Variants in PCDHGA2 observed in about 807,000 individuals in gnomAD.
PCDHGA2 encodes the protein protocadherin gamma-A2.
In PCDHGA2, 40 loss-of-function variants were observed where a neutral mutation model predicts 59.2. That is an observed-to-expected ratio of 0.68 (90% CI 0.52 to 0.88). The LOEUF is 0.88. PCDHGA2 is among the 40% of genes least tolerant of loss of function. PCDHGA2 has a pLI of 0.00. For synonymous variants in PCDHGA2, 560 were observed against 526.0 expected, an observed-to-expected ratio of 1.06 and a Z score of -0.89; for missense variants, 1,226 against 1,204.0, an observed-to-expected ratio of 1.02 and a Z score of -0.27.
chr5:141,359,713 T>C (rs953640079), intron 1 of PCDHGA2, among the ~76,000 whole-genome samples: 2 of 152,122 alleles, frequency 1.3e-5, no homozygotes, highest in Non-Finnish European at 2.9e-5. Flanking sequence ...CCTAAGAAAC[T>C]TTAACACTCA....
intron 1 of PCDHGA2, chr5:141,352,204 G>C: frequency 6.2e-7 from 1 of 1,614,036 alleles, no homozygotes; most frequent in Non-Finnish European, 8.5e-7. Flanking sequence ...GAGGACAGCC[G>C]CCACTCTCCG....
chr5:141,361,468 G>C, intron 1 of PCDHGA2: 3 of 1,614,008 alleles, frequency 1.9e-6, no homozygotes, highest in Non-Finnish European at 2.5e-6. Context: ...CATCTCCGAC[G>C]TCAACGATAA....
intron 1 of PCDHGA2, among the ~76,000 whole-genome samples, chr5:141,453,076 G>A (rs2098755408): frequency 1.3e-5 from 2 of 151,984 alleles, no homozygotes; most frequent in Admixed American, 6.6e-5. Flanking sequence ...CCACACTCTG[G>A]TTGATTAGTA....
At chr5:141,366,046 C>T in intron 1 of PCDHGA2, 1 of 1,614,240 alleles carries the variant, frequency 6.2e-7, no homozygotes, top group Non-Finnish European at 8.5e-7. Context: ...CAGACGGTTC[C>T]ACGGGCGTGG....
intron 1 of PCDHGA2, among the ~76,000 whole-genome samples, chr5:141,459,249 A>G (rs901058693): frequency 6.6e-6 from 1 of 152,218 alleles, no homozygotes; most frequent in Non-Finnish European, 1.5e-5. Flanking sequence ...TCCTGTCACT[A>G]TAAATTAGTG....
chr5:141,510,222 G>A (rs891688596), intron 3 of PCDHGA2, among the ~76,000 whole-genome samples: 3 of 151,498 alleles, frequency 2.0e-5, no homozygotes, highest in Admixed American at 6.6e-5. Context: ...GCAGTGAGCC[G>A]GGATCGCGCC....
intron 1 of PCDHGA2, chr5:141,375,897 C>A (rs1456506633): frequency 3.7e-6 from 6 of 1,613,680 alleles, no homozygotes; most frequent in Non-Finnish European, 5.1e-6. Context: ...GCCTGGCTGT[C>A]CTACCGCCTG....
intron 1 of PCDHGA2, chr5:141,395,233 G>T: frequency 6.2e-7 from 1 of 1,602,052 alleles, no homozygotes; most frequent in Non-Finnish European, 8.5e-7. Context: ...GCTGATCATG[G>T]TCAGGTGAGT....
rs2096153349 is a variant in PCDHGA2 at position 141,417,731 on chromosome 5, C to G, written c.2424+76336C>G. 2.2e-6 allele frequency: 3 copies of G among 1,378,810 alleles called. No homozygotes were observed. In the East Asian group the frequency reaches 7.6e-5, roughly 35 times the overall value. 85.4% of individuals were successfully genotyped at this position (1,378,810 alleles called of 1,614,324 possible). A position where few individuals can be genotyped will look rare whatever the true frequency, so the allele number is the denominator to read the frequency against. On this transcript the variant is annotated intron_variant, in intron 1 of 3. Coordinates refer to ENST00000394576, the MANE Select transcript of PCDHGA2 (RefSeq NM_018915.4). ...AGGCTCCCGGCTGCGCAGACCTTGC[C>G]CAGCACACCAGATTGCCAGCTCCGA...
intron 1 of PCDHGA2, among the ~76,000 whole-genome samples, chr5:141,343,513 G>T (rs1049958686): frequency 6.6e-5 from 10 of 152,296 alleles, no homozygotes; most frequent in Middle Eastern, 3.4e-3. Context: ...GGTCCTTACG[G>T]CCAGTTCTTT....
intron 1 of PCDHGA2, chr5:141,419,742 T>C (rs1388509503): frequency 2.5e-5 from 41 of 1,613,742 alleles, no homozygotes; most frequent in Non-Finnish European, 3.5e-5. Context: ...GAGGTGCGCA[T>C]GGTGCGTGCT....
intron 1 of PCDHGA2, among the ~76,000 whole-genome samples, chr5:141,434,285 T>G (rs1358981946): frequency 6.6e-6 from 1 of 152,232 alleles, no homozygotes; most frequent in Non-Finnish European, 1.5e-5. Context: ...GTATTCTCTG[T>G]TTTTCCTGTA....
Position 141,338,984 on chromosome 5 carries a change from C to A in PCDHGA2, c.13C>A (p.Gln5Lys), listed in dbSNP as rs774904169. 15 of 1,538,220 alleles carry A rather than the reference C, an allele frequency of 9.8e-6. No homozygotes were observed. In the East Asian group the frequency reaches 3.0e-4, roughly 30 times the overall value. MAAL[Q>K]KLPHCRKLVL... ...CGACAGGAGGGAAATGGCGGCTCTGCAAAAGTTGCCACACTGCAGAAAGCT... is the reference window on the plus strand; with the variant it reads ...CGACAGGAGGGAAATGGCGGCTCTGAAAAAGTTGCCACACTGCAGAAAGCT... Residue 5 changes from glutamine to lysine, a missense_variant, in exon 1 of 4, where the codon CAA (glutamine) becomes AAA (lysine). Gln to Lys is a moderately conservative substitution (Grantham distance 53). Coordinates refer to ENST00000394576, the MANE Select transcript of PCDHGA2 (RefSeq NM_018915.4).
At chr5:141,375,177 T>C in intron 1 of PCDHGA2, 1 of 1,614,004 alleles carries the variant, frequency 6.2e-7, no homozygotes, top group Non-Finnish European at 8.5e-7. Flanking sequence ...CCAGGAACAG[T>C]AATCGCCCTT....
At chr5:141,375,606 A>G (rs1187736346) in intron 1 of PCDHGA2, 3 of 1,613,806 alleles carry the variant, frequency 1.9e-6, no homozygotes, top group South Asian at 1.1e-5. Context: ...GTGTCCATCA[A>G]CTCCGACACT....
intron 1 of PCDHGA2, among the ~76,000 whole-genome samples, chr5:141,407,392 A>G (rs1427023659): frequency 6.6e-6 from 1 of 152,226 alleles, no homozygotes; most frequent in Non-Finnish European, 1.5e-5. Flanking sequence ...ATGTCATGGT[A>G]GGTAGTTACT....
At chr5:141,404,518 T>C (rs775647026) in intron 1 of PCDHGA2, 16 of 1,613,656 alleles carry the variant, frequency 9.9e-6, no homozygotes, top group Non-Finnish European at 1.4e-5. Flanking sequence ...CCTTTGACTA[T>C]GAGCAGTTTA....
At chr5:141,351,399 G>T (rs752842629) in intron 1 of PCDHGA2, 4 of 1,611,448 alleles carry the variant, frequency 2.5e-6, no homozygotes, top group Non-Finnish European at 3.4e-6. Flanking sequence ...ATGGTGACAT[G>T]CTATACTCAG....
At chr5:141,372,155 G>C in intron 1 of PCDHGA2, 1 of 1,613,796 alleles carries the variant, frequency 6.2e-7, no homozygotes, top group Non-Finnish European at 8.5e-7. Flanking sequence ...CTGGCTACCT[G>C]GTGACCAAGG....
Sources: allele counts gnomAD v4.1 joint callset (sites outside exome capture counted in the v4.1 genomes callset), GRCh38; gene constraint gnomAD v4.1.1; transcripts MANE v1.5; gene names NCBI Gene and HGNC (gene_info 2026-07-23, HGNC 2026-07-21).